The following RRM1 variants were observed in gnomAD, a reference collection of about 807,000 sequenced individuals.
RRM1 encodes ribonucleotide reductase catalytic subunit M1.
Under a neutral mutation model 101.5 loss-of-function variants are expected in RRM1, and 19 were observed. That is an observed-to-expected ratio of 0.19 (90% CI 0.13 to 0.27). The LOEUF is 0.27. Ranked by LOEUF, RRM1 falls within the 10% of genes least tolerant of loss-of-function variation. The pLI, the probability that RRM1 is intolerant of heterozygous loss-of-function variation, is 1.00. For missense variants in RRM1, 500 were observed against 962.9 expected, an observed-to-expected ratio of 0.52 and a Z score of 6.36; for synonymous variants, 298 against 323.4, an observed-to-expected ratio of 0.92 and a Z score of 0.84.
intron 17 of RRM1, among the ~76,000 whole-genome samples, chr11:4,133,980 A>ATTTTTTTTTTTTTTT (rs34715101): frequency 1.1e-5 from 1 of 90,866 alleles, no homozygotes; most frequent in African/African-American, 4.5e-5. Context: ...CCAGACATCA[A>ATTTTTTTTTTTTTTT]TTTTTTTTTT....
chr11:4,102,156 T>G, intron 2 of RRM1, 75 bp downstream of exon 2: 1 of 772,966 alleles, frequency 1.3e-6, no homozygotes, highest in Non-Finnish European at 2.3e-6. Flanking sequence ...TCCCTGGACC[T>G]TCATTCACCT....
intron 3 of RRM1, 90 bp downstream of exon 3, chr11:4,106,313 A>G (rs2094558218): frequency 8.9e-7 from 1 of 1,128,458 alleles, no homozygotes; most frequent in Admixed American, 2.0e-5. Flanking sequence ...AAAGAAGCAA[A>G]TATGGCTAGA....
In RRM1 at chr11:4,112,842, C is replaced by G. The variant is rs142548056; in HGVS notation, c.650+780C>G. 4.8e-3 allele frequency among the ~76,000 whole-genome samples: 725 copies of G among 152,224 alleles called. 10 individuals carry two copies. Among genetic ancestry groups the G allele is most frequent in the African/African-American group, 0.017 (701 of 41,544 alleles). On this transcript the variant is annotated intron_variant, in intron 7 of 18. Transcript: ENST00000300738. ...TAGGGCCAGGCATGGTGGCTCACAT[C>G]TGTAATTCCAACACTTTGGAAGGCT...
intron 3 of RRM1, among the ~76,000 whole-genome samples, chr11:4,106,432 CTACG>C (rs1479569240): frequency 6.6e-6 from 1 of 152,130 alleles, no homozygotes; most frequent in Non-Finnish European, 1.5e-5. Context: ...AACCCCATCT[CTACG>C]TTTTAAGAAA....
In RRM1 at chr11:4,118,316, G is replaced by A. The variant is rs371494212; in HGVS notation, c.651-4G>A. 19 of 1,602,338 alleles carry A rather than the reference G, an allele frequency of 1.2e-5. No homozygotes were observed. Among genetic ancestry groups the A allele is most frequent in the Admixed American group, 6.8e-5 (4 of 59,006 alleles). The stretch of plus-strand genomic sequence containing the variant: ...TCTAAGTTGAGACATTTTTTCCCCC[G>A]TAGCTGTTTTCTTCTGAGTATGAAA... On this transcript the variant is annotated splice_region_variant and splice_polypyrimidine_tract_variant and intron_variant, in intron 7 of 18. Coordinates refer to ENST00000300738, the MANE Select transcript of RRM1 (RefSeq NM_001033.5).
chr11:4,112,194 A>G (rs141454577), intron 7 of RRM1, 132 bp downstream of exon 7: 1 of 642,208 alleles, frequency 1.6e-6, no homozygotes, highest in African/African-American at 1.8e-5. Context: ...TTCTGGAAAG[A>G]TCTCTGACTG....
intron 7 of RRM1, among the ~76,000 whole-genome samples, chr11:4,112,570 G>T (rs2094567092): frequency 6.6e-6 from 1 of 152,182 alleles, no homozygotes; most frequent in Non-Finnish European, 1.5e-5. Flanking sequence ...CACCATGTTG[G>T]TCAGGCTGGT....
At chr11:4,124,344 G>A (rs2094586303) in intron 12 of RRM1, among the ~76,000 whole-genome samples, 1 of 152,088 alleles carries the variant, frequency 6.6e-6, no homozygotes, top group Admixed American at 6.6e-5. Context: ...CTATGGAAAC[G>A]AGGAAGGAGT....
intron 8 of RRM1, 188 bp from the exon 9 acceptor site, chr11:4,119,657 A>C: frequency 7.2e-6 from 4 of 554,554 alleles, no homozygotes; most frequent in Middle Eastern, 9.8e-4. Flanking sequence ...ACATAATTGT[A>C]ATTTATTCAA....
At chr11:4,130,078 ATATATATATTTTTTTT>A (rs1490589204) in intron 15 of RRM1, among the ~76,000 whole-genome samples, 1 of 95,680 alleles carries the variant, frequency 1.0e-5, no homozygotes, top group Non-Finnish European at 1.9e-5. Context: ...ATATATATAT[ATATATATATTTTTTTT>A]TTTTTTTTTT....
intron 1 of RRM1, among the ~76,000 whole-genome samples, chr11:4,101,613 C>G (rs1239498322): frequency 1.4e-5 from 2 of 143,808 alleles, no homozygotes; most frequent in Non-Finnish European, 3.0e-5. Flanking sequence ...GTGTGAGCCA[C>G]TAGGCCTGGC....
chr11:4,108,597 C>CAAAAA lies in RRM1; in HGVS notation c.388-1030_388-1026dup, dbSNP rs754848612. On this transcript the variant is annotated intron_variant, in intron 4 of 18. Coordinates refer to ENST00000300738, the MANE Select transcript of RRM1 (RefSeq NM_001033.5). ...TGGGCAACAGAGTGAGACTCAGTCT[C>CAAAAA]AAAAAAAAAAAAAAAAAAAAAGAAT... Among the ~76,000 whole-genome samples, 537 of 72,758 alleles carry CAAAAA rather than the reference C, an allele frequency of 7.4e-3. 33 individuals are homozygous for CAAAAA. The highest frequency in any genetic ancestry group is 0.014 in the East Asian group (33 of 2,358). The allele number at this position is 72,758 out of a possible 152,430, so 47.7% of individuals were successfully genotyped here. A position where few individuals can be genotyped will look rare whatever the true frequency, so the allele number is the denominator to read the frequency against.
rs2094602602 is a variant in RRM1, at chr11:4,132,795, A to G, written c.1905+374A>G. Among the ~76,000 whole-genome samples, 1 of 152,198 alleles carries G rather than the reference A, an allele frequency of 6.6e-6. No individual in the cohort carries two copies. Among genetic ancestry groups the G allele is most frequent in the Non-Finnish European group, 1.5e-5 (1 of 68,032 alleles). ...GCAGTGGTTCTCAGACTTGGTTACC[A>G]ATTAGAATTTATGGTGGGTGAGACC... On this transcript the variant is annotated intron_variant, in intron 16 of 18. Transcript: ENST00000300738. The surrounding 1 kb of genome is among the most constrained non-coding windows in gnomAD (Gnocchi z 4.1).
intron 2 of RRM1, chr11:4,105,773 C>A: frequency 2.4e-6 from 1 of 413,162 alleles, no homozygotes; most frequent in Non-Finnish European, 4.5e-6. Flanking sequence ...CTAGCTTGCC[C>A]AGGCTGGTCT....
At chr11:4,131,115 T>C (rs1243390541) in intron 15 of RRM1, among the ~76,000 whole-genome samples, 2 of 152,080 alleles carry the variant, frequency 1.3e-5, no homozygotes, top group Non-Finnish European at 2.9e-5. Context: ...TTCCGCAGGG[T>C]TGGGGAGGCC....
At chr11:4,131,261 A>G (rs2094599720) in intron 15 of RRM1, among the ~76,000 whole-genome samples, 1 of 152,238 alleles carries the variant, frequency 6.6e-6, no homozygotes, top group Non-Finnish European at 1.5e-5. Context: ...TCTCATGAGA[A>G]CAGCATGAGG....
At chr11:4,112,680 A>G (rs561947051) in intron 7 of RRM1, among the ~76,000 whole-genome samples, 1 of 152,318 alleles carries the variant, frequency 6.6e-6, no homozygotes, top group East Asian at 1.9e-4. Flanking sequence ...ATATTTCAAT[A>G]AGGTTGTTTT....
chr11:4,137,920 G>A (rs1427148673), intron 18 of RRM1, among the ~76,000 whole-genome samples: 6 of 113,738 alleles, frequency 5.3e-5, no homozygotes, highest in Admixed American at 5.1e-4. Context: ...CCTCCCTCCC[G>A]GATGGGGCAG....
At chr11:4,096,179 C>T (rs1433881628) in intron 1 of RRM1, among the ~76,000 whole-genome samples, 3 of 152,132 alleles carry the variant, frequency 2.0e-5, no homozygotes, top group African/African-American at 4.8e-5. Flanking sequence ...GCATGCACCA[C>T]CATGAGTGGC....
Sources: allele counts gnomAD v4.1 joint callset (sites outside exome capture counted in the v4.1 genomes callset), GRCh38; gene constraint gnomAD v4.1.1; non-coding constraint Gnocchi (gnomAD v3.1); transcripts MANE v1.5; gene names NCBI Gene and HGNC (gene_info 2026-07-23, HGNC 2026-07-21).